Variants in MRTFB observed in about 807,000 individuals in gnomAD.
MRTFB encodes the protein myocardin related transcription factor B, also known as myocardin-related transcription factor B.
A neutral mutation model predicts 104.2 loss-of-function variants in MRTFB; 29 were observed. That is an observed-to-expected ratio of 0.28 (90% confidence interval 0.21 to 0.38). The LOEUF (loss-of-function observed/expected upper bound fraction) is 0.38. Among genes scored for constraint, MRTFB ranks in the 10% least tolerant of loss-of-function variants. The pLI, the probability that MRTFB is intolerant of heterozygous loss-of-function variation, is 1.00. For missense variants in MRTFB, 1,270 were observed against 1,341.6 expected, an observed-to-expected ratio of 0.95 and a Z score of 0.83; for synonymous variants, 535 against 519.5, an observed-to-expected ratio of 1.03 and a Z score of -0.41.
At chr16:14,093,007 G>C (rs2035168470) in intron 2 of MRTFB, 1 of 152,144 alleles carries the variant, frequency 6.6e-6, no homozygotes, top group African/African-American at 2.4e-5. Flanking sequence ...CTTGAAATCT[G>C]ACTCCTGATT....
At chr16:14,254,576 G>A (rs971258113) in intron 15 of MRTFB, among the ~76,000 whole-genome samples, 2 of 152,224 alleles carry the variant, frequency 1.3e-5, no homozygotes, top group Non-Finnish European at 2.9e-5. Context: ...TGACCCCTAA[G>A]CCATACAGGC....
intron 15 of MRTFB, 101 bp downstream of exon 15, chr16:14,252,603 C>T (rs2043303210): frequency 5.2e-6 from 7 of 1,337,362 alleles, no homozygotes; most frequent in Non-Finnish European, 6.9e-6. Context: ...AACTGACTTG[C>T]CTCAATAGAA....
At chr16:14,109,514 G>C (rs1375770888) in intron 2 of MRTFB, among the ~76,000 whole-genome samples, 2 of 152,152 alleles carry the variant, frequency 1.3e-5, no homozygotes, top group African/African-American at 4.8e-5. Flanking sequence ...TGCAGATACT[G>C]GTACTTAATA....
intron 15 of MRTFB, among the ~76,000 whole-genome samples, chr16:14,255,068 G>GA (rs1163445359): frequency 1.3e-5 from 2 of 152,178 alleles, no homozygotes; most frequent in South Asian, 2.1e-4. Flanking sequence ...GATGGCAGGG[G>GA]AAAAAATGTC....
intron 2 of MRTFB, among the ~76,000 whole-genome samples, chr16:14,095,266 T>C (rs1002151781): frequency 2.0e-5 from 3 of 152,212 alleles, no homozygotes; most frequent in Non-Finnish European, 4.4e-5. Flanking sequence ...TATGGTGAAA[T>C]GAGTCCACAT....
the MRTFB span, among the ~76,000 whole-genome samples, chr16:14,023,313 T>A: frequency 2.6e-5 from 4 of 152,044 alleles, no homozygotes; most frequent in Non-Finnish European, 4.4e-5. Flanking sequence ...GGAGTAGTAG[T>A]GTGTGCCTGT....
At chr16:14,075,129 A>G (rs1375017783) in intron 1 of MRTFB, among the ~76,000 whole-genome samples, 2 of 152,236 alleles carry the variant, frequency 1.3e-5, no homozygotes, top group Non-Finnish European at 2.9e-5. Context: ...TTTAAGAAAT[A>G]TATTTGAAAA....
At chr16:14,221,650 G>C (rs1300690940) in intron 8 of MRTFB, among the ~76,000 whole-genome samples, 18 of 152,084 alleles carry the variant, frequency 1.2e-4, no homozygotes, top group Admixed American at 1.2e-3. Context: ...GGGGTTCTTT[G>C]AGATTCTTAA....
At chr16:14,094,700 T>G (rs1176443421) in intron 2 of MRTFB, among the ~76,000 whole-genome samples, 1 of 152,200 alleles carries the variant, frequency 6.6e-6, no homozygotes, top group Non-Finnish European at 1.5e-5. Flanking sequence ...GTAAATTTCT[T>G]TAATTAGTGT....
intron 1 of MRTFB, among the ~76,000 whole-genome samples, chr16:14,075,275 AC>A (rs1355457317): frequency 3.3e-5 from 5 of 152,142 alleles, no homozygotes; most frequent in African/African-American, 1.2e-4. Context: ...TCACGTGAAG[AC>A]CCTTTGCGTA....
At position 14,111,664 on chromosome 16, in the gene MRTFB, T is replaced by C. The variant is rs985059967; in HGVS notation, c.-63-28880T>C. 7.2e-5 allele frequency among the ~76,000 whole-genome samples: 11 copies of C among 152,162 alleles called. 2 individuals carry two copies. The highest frequency in any genetic ancestry group is 6.2e-4 in the South Asian group (3 of 4,824). ...TACCACCCACTGCCAGCTTCTAACC[T>C]ATATGAAGAGGCAAACAAGAGGGAG... On this transcript the variant is annotated intron_variant, in intron 2 of 16. Coordinates refer to ENST00000571589, the MANE Select transcript of MRTFB (RefSeq NM_001308142.2).
chr16:14,211,797 C>T (rs1366027949), intron 4 of MRTFB, among the ~76,000 whole-genome samples: 6 of 152,184 alleles, frequency 3.9e-5, no homozygotes, highest in Non-Finnish European at 8.8e-5. Flanking sequence ...ACTTTGACCA[C>T]CATCTGGTTG....
chr16:14,006,674 A>G, the MRTFB span, among the ~76,000 whole-genome samples: 2 of 151,600 alleles, frequency 1.3e-5, no homozygotes, highest in Non-Finnish European at 2.9e-5. Context: ...CAATATTTTC[A>G]TATAAATGAT....
In MRTFB at chr16:14,266,182, C is replaced by A. The variant is rs1245778400; in HGVS notation, c.*4738C>A. The A allele has an allele frequency of 6.6e-6, 1 of 152,076 alleles. No homozygotes were observed. 9.4% of individuals were successfully genotyped at this position (152,076 alleles called of 1,614,324 possible). A position where few individuals can be genotyped will look rare whatever the true frequency, so the allele number is the denominator to read the frequency against. On this transcript the variant is annotated 3_prime_UTR_variant, in exon 17 of 17. Coordinates refer to ENST00000571589, the MANE Select transcript of MRTFB (RefSeq NM_001308142.2). ...AAAATCAGCCCCAAAAAGGTATTAT[C>A]CATTTAAGGTTATAATTTTCACTAA...
At chr16:14,109,104 A>G (rs1354800436) in intron 2 of MRTFB, among the ~76,000 whole-genome samples, 1 of 152,206 alleles carries the variant, frequency 6.6e-6, no homozygotes, top group Non-Finnish European at 1.5e-5. Flanking sequence ...GCTTAAATAT[A>G]ATTTCTTCAT....
At chr16:14,195,537 G>A (rs1956820869) in intron 3 of MRTFB, 3 of 985,312 alleles carry the variant, frequency 3.0e-6, no homozygotes, top group South Asian at 4.7e-5. Context: ...CCGAGATACT[G>A]AGTCTGGATC....
the MRTFB span, among the ~76,000 whole-genome samples, chr16:14,055,379 C>T: frequency 4.6e-5 from 7 of 152,186 alleles, no homozygotes; most frequent in East Asian, 3.9e-4. Flanking sequence ...AAGTAGTTAA[C>T]GTGGGTACAA....
chr16:14,122,314 TG>T, intron 2 of MRTFB, among the ~76,000 whole-genome samples: 1 of 152,058 alleles, frequency 6.6e-6, no homozygotes, highest in East Asian at 1.9e-4. Context: ...CTTTAAGTTC[TG>T]GGGTACATGT....
chr16:14,138,999 A>G (rs1182519591), intron 2 of MRTFB, among the ~76,000 whole-genome samples: 1 of 152,216 alleles, frequency 6.6e-6, no homozygotes. Flanking sequence ...AGTAATCTTT[A>G]TTACCTTGAG....
Sources: gnomAD v4.1 joint callset for allele counts (sites outside exome capture counted in the v4.1 genomes callset) on GRCh38, gnomAD v4.1.1 for gene constraint, MANE v1.5 for transcripts, NCBI Gene and HGNC (gene_info 2026-07-23, HGNC 2026-07-21) for gene names.